Variants in CDH13 observed in about 807,000 individuals in gnomAD.
The protein encoded by CDH13 is cadherin-13.
CDH13 carries 24 observed loss-of-function variants against 63.8 expected under a neutral mutation model. The ratio of observed to expected loss-of-function variants is 0.38; its 90% CI spans 0.27 to 0.53. The LOEUF is 0.53. Among genes scored for constraint, CDH13 ranks in the 20% least tolerant of loss-of-function variants. The pLI is 0.85. For synonymous variants in CDH13, 503 were observed against 355.3 expected (o/e 1.42, Z -4.67); for missense variants, 1,049 against 903.1 (o/e 1.16, Z -2.07).
At chr16:83,707,651 C>G (rs1907290157) in intron 10 of CDH13, among the ~76,000 whole-genome samples, 2 of 151,908 alleles carry the variant, frequency 1.3e-5, no homozygotes, top group Non-Finnish European at 2.9e-5. Context: ...GAGATCAGCT[C>G]TTAGATTCCC....
intron 2 of CDH13, among the ~76,000 whole-genome samples, chr16:82,971,239 A>G (rs1196447308): frequency 6.6e-6 from 1 of 152,160 alleles, no homozygotes. Context: ...AGTTATCCAC[A>G]TTGACAGCTG....
At chr16:82,721,154 C>G (rs751503335) in intron 1 of CDH13, among the ~76,000 whole-genome samples, 1 of 152,136 alleles carries the variant, frequency 6.6e-6, no homozygotes. Context: ...TCATTGAGCA[C>G]CTACAGTGTT....
chr16:82,676,668 G>T lies in CDH13; in HGVS notation c.45+49531G>T, dbSNP rs893287224. ...GATCAAAATCCTTCAGTGGCCTGCC[G>T]TTGGTTTTTTTTATGAAATATAAAA... On this transcript the variant is annotated intron_variant, in intron 1 of 13. Coordinates refer to ENST00000567109, the MANE Select transcript of CDH13 (RefSeq NM_001257.5). Among the ~76,000 whole-genome samples the T allele has an allele frequency of 3.9e-4, 59 of 151,794 alleles. 1 individual carries two copies. Among genetic ancestry groups the T allele is most frequent in the Non-Finnish European group, 1.2e-4 (8 of 67,948 alleles).
intron 4 of CDH13, among the ~76,000 whole-genome samples, chr16:83,165,359 A>AGAT (rs111541448): frequency 0.039 from 5,955 of 152,220 alleles, 169 homozygotes; most frequent in East Asian, 0.1. Context: ...GGATATTCTA[A>AGAT]GATTTGTTGT....
chr16:82,762,398 C>T (rs1455575842), intron 1 of CDH13, among the ~76,000 whole-genome samples: 2 of 152,180 alleles, frequency 1.3e-5, no homozygotes, highest in African/African-American at 4.8e-5. Context: ...AATATTATCT[C>T]TTAATGCACA....
intron 11 of CDH13, among the ~76,000 whole-genome samples, chr16:83,776,250 A>G (rs747012969): frequency 3.3e-5 from 5 of 152,204 alleles, no homozygotes; most frequent in Non-Finnish European, 7.3e-5. Flanking sequence ...ATTCTACCAA[A>G]TGACTTGTCT....
chr16:83,115,585 A>C (rs139121654), intron 3 of CDH13, among the ~76,000 whole-genome samples: 79 of 152,358 alleles, frequency 5.2e-4, no homozygotes, highest in African/African-American at 1.9e-3. Context: ...AAGCAAATCC[A>C]GTCTTCTTAC....
At chr16:82,870,792 A>G (rs1211888114) in intron 2 of CDH13, among the ~76,000 whole-genome samples, 1 of 152,230 alleles carries the variant, frequency 6.6e-6, no homozygotes. Context: ...AATTTAAATT[A>G]CTTTTTAAAA....
intron 5 of CDH13, among the ~76,000 whole-genome samples, chr16:83,264,446 G>GATAT (rs1376454444): frequency 6.6e-6 from 1 of 151,420 alleles, no homozygotes; most frequent in Non-Finnish European, 1.5e-5. Context: ...CTTATATGTG[G>GATAT]ATATATACAT....
chr16:83,277,879 T>C (rs1597649004), intron 5 of CDH13, among the ~76,000 whole-genome samples: 1 of 152,294 alleles, frequency 6.6e-6, no homozygotes, highest in East Asian at 1.9e-4. Context: ...AACCAAAAAA[T>C]TTGAGAAGTT....
At chr16:83,435,318 A>G (rs561886250) in intron 6 of CDH13, among the ~76,000 whole-genome samples, 1 of 152,280 alleles carries the variant, frequency 6.6e-6, no homozygotes, top group Admixed American at 6.5e-5. Context: ...GGCTGGGATT[A>G]CAAGAGTGAG....
intron 1 of CDH13, among the ~76,000 whole-genome samples, chr16:82,687,735 G>C (rs1365608644): frequency 6.6e-6 from 1 of 152,026 alleles, no homozygotes; most frequent in African/African-American, 2.4e-5. Context: ...CATATCAGTG[G>C]GATAGATATC....
chr16:83,702,481 G>A (rs1233920374), intron 10 of CDH13, among the ~76,000 whole-genome samples: 1 of 152,136 alleles, frequency 6.6e-6, no homozygotes. Flanking sequence ...AGAGAGCAAG[G>A]AGGGTCTTGC....
intron 3 of CDH13, among the ~76,000 whole-genome samples, chr16:83,114,722 G>A (rs115984007): frequency 0.024 from 3,669 of 152,310 alleles, 140 homozygotes; most frequent in African/African-American, 0.083. Flanking sequence ...GCTGCAGAAA[G>A]TTGGATATTT....
chr16:82,877,587 A>T (rs1426430121), intron 2 of CDH13, among the ~76,000 whole-genome samples: 1 of 152,124 alleles, frequency 6.6e-6, no homozygotes, highest in Non-Finnish European at 1.5e-5. Context: ...ATGGGGGGAA[A>T]CATATTTTGA....
intron 6 of CDH13, among the ~76,000 whole-genome samples, chr16:83,411,319 A>T (rs11864110): frequency 0.031 from 4,710 of 152,242 alleles, 110 homozygotes; most frequent in African/African-American, 0.064. Context: ...ACTGTGTTCC[A>T]TTAAACCTCC....
At chr16:82,965,004 G>A (rs1028188930) in intron 2 of CDH13, among the ~76,000 whole-genome samples, 13 of 152,220 alleles carry the variant, frequency 8.5e-5, no homozygotes, top group Non-Finnish European at 1.5e-4. Context: ...ACCAGGTGAT[G>A]TAAGTTTAGC....
chr16:83,369,187 G>T (rs4782778), intron 6 of CDH13, among the ~76,000 whole-genome samples: 4 of 150,942 alleles, frequency 2.7e-5, no homozygotes, highest in Non-Finnish European at 5.9e-5. Flanking sequence ...CACCAAGAAT[G>T]GTCATGATCA....
At chr16:83,056,103 T>G (rs887428179) in intron 3 of CDH13, among the ~76,000 whole-genome samples, 15 of 152,242 alleles carry the variant, frequency 9.9e-5, no homozygotes, top group African/African-American at 3.6e-4. Flanking sequence ...TATTAAAAGG[T>G]TTTTAGCATC....
Sources: gnomAD v4.1 joint callset for allele counts (sites outside exome capture counted in the v4.1 genomes callset) on GRCh38, gnomAD v4.1.1 for gene constraint, MANE v1.5 for transcripts, NCBI Gene and HGNC (gene_info 2026-07-23, HGNC 2026-07-21) for gene names.